The following ARHGEF4 variants were observed in gnomAD, a reference collection of about 807,000 sequenced individuals.
ARHGEF4 encodes the protein Rho guanine nucleotide exchange factor 4, also known as APC-stimulated guanine nucleotide exchange factor 1.
A neutral mutation model predicts 162.0 loss-of-function variants in ARHGEF4; 119 were observed. That is an observed-to-expected ratio of 0.73 (90% CI 0.63 to 0.86). The LOEUF is 0.86. Ranked by LOEUF, ARHGEF4 falls within the 40% of genes least tolerant of loss-of-function variation. ARHGEF4 has a pLI of 0.00. For missense variants in ARHGEF4, 2,488 were observed against 2,456.0 expected, an observed-to-expected ratio of 1.01 and a Z score of -0.28; for synonymous variants, 1,014 against 979.9, an observed-to-expected ratio of 1.03 and a Z score of -0.65.
intron 2 of ARHGEF4, among the ~76,000 whole-genome samples, chr2:130,924,031 C>G (rs1436723637): frequency 2.0e-5 from 3 of 151,704 alleles, no homozygotes; most frequent in Non-Finnish European, 4.4e-5. Flanking sequence ...CAGGCACCCG[C>G]CAACACACTC....
chr2:130,963,658 C>A (rs1684776891), intron 4 of ARHGEF4: 1 of 146,740 alleles, frequency 6.8e-6, no homozygotes, highest in East Asian at 2.0e-4. Flanking sequence ...GGCCTGCGTG[C>A]GCGCGTGCGT....
chr2:130,946,690 C>T (rs761077383), intron 4 of ARHGEF4, 55 bp downstream of exon 4: 1 of 1,607,986 alleles, frequency 6.2e-7, no homozygotes, highest in South Asian at 1.1e-5. Flanking sequence ...GCATGAAGGA[C>T]AAGAAGCTAG....
In ARHGEF4 at chr2:130,874,914, C is replaced by T. The variant is rs370103384; in HGVS notation, c.39+37922C>T. On this transcript the variant is annotated intron_variant, in intron 1 of 13. Transcript: ENST00000409359. ...TTGAATTTCTTTGCTCAGCATTATT[C>T]TCTAGAGACTCATCCAAGTTGTGCA... Among the ~76,000 whole-genome samples, 36 of 152,254 alleles carry T rather than the reference C, an allele frequency of 2.4e-4. 1 individual carries two copies. In the South Asian group the frequency reaches 7.5e-3, roughly 32 times the overall value.
At chr2:131,023,525 T>G (rs1050587086) in intron 4 of ARHGEF4, among the ~76,000 whole-genome samples, 5 of 152,166 alleles carry the variant, frequency 3.3e-5, no homozygotes, top group African/African-American at 1.2e-4. Flanking sequence ...TCGTCAGCCT[T>G]TCAGGAAATG....
intron 4 of ARHGEF4, among the ~76,000 whole-genome samples, chr2:131,008,824 T>TA (rs1454624526): frequency 1.3e-5 from 2 of 152,216 alleles, no homozygotes; most frequent in African/African-American, 4.8e-5. Flanking sequence ...TAATTTCATT[T>TA]ATCCCTTTCC....
chr2:131,033,594 C>A (rs1690018126), intron 5 of ARHGEF4, among the ~76,000 whole-genome samples: 1 of 152,228 alleles, frequency 6.6e-6, no homozygotes, highest in Non-Finnish European at 1.5e-5. Flanking sequence ...TTCGAAGCCA[C>A]ACCCCATGAG....
chr2:130,891,999 TC>T (rs1201927429), intron 1 of ARHGEF4, among the ~76,000 whole-genome samples: 3 of 152,214 alleles, frequency 2.0e-5, no homozygotes, highest in Non-Finnish European at 4.4e-5. Flanking sequence ...TTATGTTTTT[TC>T]TTTTTCTCAT....
chr2:130,995,267 C>G (rs1359728953), intron 4 of ARHGEF4, among the ~76,000 whole-genome samples: 1 of 152,174 alleles, frequency 6.6e-6, no homozygotes, highest in Admixed American at 6.5e-5. Context: ...TGTCTGACCT[C>G]TCTTCTTTAT....
intron 2 of ARHGEF4, among the ~76,000 whole-genome samples, chr2:130,928,177 C>T (rs1478497442): frequency 6.6e-6 from 1 of 152,100 alleles, no homozygotes; most frequent in East Asian, 1.9e-4. Flanking sequence ...ATTTGTGGAG[C>T]TAATTGGCTA....
At chr2:131,009,236 T>C (rs977025991) in intron 4 of ARHGEF4, among the ~76,000 whole-genome samples, 4 of 152,228 alleles carry the variant, frequency 2.6e-5, no homozygotes, top group African/African-American at 9.6e-5. Flanking sequence ...TTGCAAAATA[T>C]TTTTGTTGTT....
At chr2:131,039,066 G>A (rs1690539774) in intron 6 of ARHGEF4, 34 bp downstream of exon 6, 1 of 1,572,108 alleles carries the variant, frequency 6.4e-7, no homozygotes, top group Admixed American at 1.8e-5. Flanking sequence ...TCCCAAGTTG[G>A]GCCCATAAAA....
intron 1 of ARHGEF4, among the ~76,000 whole-genome samples, chr2:130,868,423 C>G (rs1242462968): frequency 1.5e-5 from 2 of 133,054 alleles, no homozygotes; most frequent in Non-Finnish European, 3.1e-5. Flanking sequence ...CCCAGGGAAG[C>G]TGAAACCTGG....
At chr2:130,888,820 G>A (rs551898454) in intron 1 of ARHGEF4, among the ~76,000 whole-genome samples, 1 of 152,098 alleles carries the variant, frequency 6.6e-6, no homozygotes, top group East Asian at 1.9e-4. Context: ...ATGTCTGTCG[G>A]CCAGGCGCAG....
intron 1 of ARHGEF4, among the ~76,000 whole-genome samples, chr2:130,851,365 C>G (rs1681399206): frequency 6.6e-6 from 1 of 152,270 alleles, no homozygotes; most frequent in Admixed American, 6.5e-5. Context: ...AGTGCTGGTG[C>G]TCACACTGTT....
intron 5 of ARHGEF4, among the ~76,000 whole-genome samples, chr2:131,032,222 A>G (rs1689899516): frequency 6.6e-6 from 1 of 151,782 alleles, no homozygotes; most frequent in African/African-American, 2.4e-5. Flanking sequence ...GGGGAACAAG[A>G]GCCAGGTCCG....
chr2:130,904,426 C>T (rs1053984864), intron 1 of ARHGEF4, among the ~76,000 whole-genome samples: 1 of 152,116 alleles, frequency 6.6e-6, no homozygotes, highest in Non-Finnish European at 1.5e-5. Context: ...AGCACAGCCT[C>T]ATTACTGCCA....
intron 1 of ARHGEF4, among the ~76,000 whole-genome samples, chr2:130,885,264 AACAGGGTTGAAT>A (rs1373899585): frequency 2.0e-5 from 3 of 152,126 alleles, no homozygotes; most frequent in Non-Finnish European, 2.9e-5. Context: ...GAGGAAAGTC[AACAGGGTTGAAT>A]ACAGGATTGC....
intron 1 of ARHGEF4, among the ~76,000 whole-genome samples, chr2:130,901,772 C>T (rs12475643): frequency 0.079 from 11,988 of 152,130 alleles, 651 homozygotes; most frequent in Non-Finnish European, 0.11. Context: ...CTGCCTGCCC[C>T]GGCCTCCCAA....
chr2:130,915,966 C>A lies in ARHGEF4; in HGVS notation c.2020C>A (p.Pro674Thr), dbSNP rs1681460140. The A allele has an allele frequency of 1.9e-6, 3 of 1,550,534 alleles. No homozygotes were observed. Among genetic ancestry groups the A allele is most frequent in the Non-Finnish European group, 8.7e-7 (1 of 1,146,980 alleles). ...PESPLSTGET[P>T]CESPTRGKTP... ...ATCTCCCTTGAGCACTGGCGAGACC[C>A]CCTGTGAGTCTCCCACTAGGGGGAA... is the stretch of plus-strand genomic sequence containing the variant. Residue 674 changes from proline to threonine, a missense_variant, in exon 2 of 14, where the codon CCC (proline) becomes ACC (threonine). By Grantham distance (38) the Pro-to-Thr change is conservative (BLOSUM62 -1). This residue lies in a region of ARHGEF4 where 1,642 missense variants were observed against 1,481.5 expected (regional missense o/e 1.11). Transcript: ENST00000409359.
Sources: gnomAD v4.1 joint callset for allele counts (sites outside exome capture counted in the v4.1 genomes callset) on GRCh38, gnomAD v4.1.1 for gene constraint, gnomAD v4.1.1 regional missense constraint, MANE v1.5 for transcripts, NCBI Gene and HGNC (gene_info 2026-07-23, HGNC 2026-07-21) for gene names.